The following TUSC3 variants were observed in gnomAD, a reference collection of about 807,000 sequenced individuals.
The protein encoded by TUSC3 is tumor suppressor candidate 3, also known as dolichyl-diphosphooligosaccharide--protein glycosyltransferase subunit TUSC3.
Under a neutral mutation model 44.8 loss-of-function variants are expected in TUSC3, and 45 were observed. That is an observed-to-expected ratio of 1.00 (90% CI 0.79 to 1.29). The LOEUF is 1.29. TUSC3 is among the 50% of genes most tolerant of loss of function. The pLI, the probability that TUSC3 is intolerant of heterozygous loss-of-function variation, is 0.00. For synonymous variants in TUSC3, 212 were observed against 152.9 expected (o/e 1.39, Z -2.85); for missense variants, 519 against 437.9 (o/e 1.19, Z -1.65).
intron 2 of TUSC3, among the ~76,000 whole-genome samples, chr8:15,484,718 AAACTGAAT>A (rs1800712952): frequency 6.6e-6 from 1 of 152,222 alleles, no homozygotes; most frequent in Non-Finnish European, 1.5e-5. Context: ...CAGAGTCAGA[AAACTGAAT>A]TTAAGCTGAA....
chr8:15,843,353 G>C, the TUSC3 span, among the ~76,000 whole-genome samples: 1 of 152,052 alleles, frequency 6.6e-6, no homozygotes, highest in Non-Finnish European at 1.5e-5. Context: ...CTTGGATATT[G>C]TGTCACAAGA....
chr8:15,539,893 C>T (rs1801614479), upstream of TUSC3, among the ~76,000 whole-genome samples: 1 of 152,000 alleles, frequency 6.6e-6, no homozygotes, highest in South Asian at 2.1e-4. Context: ...TTTCCCAGGG[C>T]TCTGAAGGAG....
At chr8:15,435,039 G>C (rs1799927947) in intron 1 of TUSC3, among the ~76,000 whole-genome samples, 1 of 147,770 alleles carries the variant, frequency 6.8e-6, no homozygotes, top group African/African-American at 2.6e-5. Flanking sequence ...ATAATCCTTT[G>C]GGTATATACC....
At chr8:15,418,622 A>G (rs1402007524) in intron 1 of TUSC3, among the ~76,000 whole-genome samples, 1 of 152,210 alleles carries the variant, frequency 6.6e-6, no homozygotes, top group Non-Finnish European at 1.5e-5. Flanking sequence ...AAATAGGAGG[A>G]GAGTAATCGG....
rs138460152 is a variant in TUSC3 at position 15,432,452 on chromosome 8, A to G, written n.91+15147A>G. ...ATCCATTAGAGCACTTATATTATTC[A>G]TAGTTGTCTTAATTTTAAGTGTCAT... On this transcript the variant is annotated intron_variant and non_coding_transcript_variant, in intron 1 of 5. Transcript: ENST00000503191. Among the ~76,000 whole-genome samples, 413 of 152,142 alleles carry G rather than the reference A, an allele frequency of 2.7e-3. 2 individuals are homozygous for G. In the East Asian group the frequency reaches 0.046, roughly 17 times the overall value.
intron 1 of TUSC3, among the ~76,000 whole-genome samples, chr8:15,465,526 A>G (rs541017396): frequency 1.3e-5 from 2 of 152,330 alleles, no homozygotes; most frequent in Admixed American, 1.3e-4. Flanking sequence ...TTGATTTGAG[A>G]TGTTAAAATG....
At chr8:15,763,791 C>T (rs1436395617) in intron 10 of TUSC3, among the ~76,000 whole-genome samples, 2 of 152,046 alleles carry the variant, frequency 1.3e-5, no homozygotes, top group African/African-American at 4.8e-5. Context: ...TAACAAAAGA[C>T]CAAGTGATTA....
intron 1 of TUSC3, among the ~76,000 whole-genome samples, chr8:15,479,605 C>G (rs10100161): frequency 6.6e-6 from 1 of 151,924 alleles, no homozygotes; most frequent in Non-Finnish European, 1.5e-5. Context: ...GATATGTGTT[C>G]TTATTTCTCA....
chr8:15,459,786 C>T (rs187127906), intron 1 of TUSC3, among the ~76,000 whole-genome samples: 41 of 151,884 alleles, frequency 2.7e-4, no homozygotes, highest in Admixed American at 1.3e-4. Context: ...CCGGTCAATG[C>T]GAGTGCCATT....
intron 3 of TUSC3, among the ~76,000 whole-genome samples, chr8:15,657,174 T>G (rs1369886549): frequency 6.6e-6 from 1 of 152,210 alleles, no homozygotes; most frequent in Non-Finnish European, 1.5e-5. Flanking sequence ...TTAGGCCACA[T>G]TCTTCATATT....
the TUSC3 span, among the ~76,000 whole-genome samples, chr8:15,775,653 CACACAT>C: frequency 7.5e-5 from 7 of 93,118 alleles, no homozygotes; most frequent in African/African-American, 2.9e-4. Context: ...TATATATACA[CACACAT>C]ATACATATAT....
intron 1 of TUSC3, among the ~76,000 whole-genome samples, chr8:15,421,229 C>T (rs991357217): frequency 2.6e-5 from 4 of 152,148 alleles, no homozygotes; most frequent in African/African-American, 7.2e-5. Flanking sequence ...CCTGCAACAT[C>T]CCCCTCATCT....
chr8:15,587,958 T>G (rs1350972134), intron 1 of TUSC3, among the ~76,000 whole-genome samples: 1 of 152,174 alleles, frequency 6.6e-6, no homozygotes, highest in African/African-American at 2.4e-5. Context: ...CTTTATCCGT[T>G]TATCTGTTGG....
At chr8:15,789,058 C>G in the TUSC3 span, among the ~76,000 whole-genome samples, 1 of 152,168 alleles carries the variant, frequency 6.6e-6, no homozygotes, top group Non-Finnish European at 1.5e-5. Flanking sequence ...CTTGCCATTT[C>G]AAGGAAACAG....
intron 1 of TUSC3, among the ~76,000 whole-genome samples, chr8:15,543,445 G>A (rs1448655581): frequency 6.6e-6 from 1 of 152,076 alleles, no homozygotes; most frequent in Non-Finnish European, 1.5e-5. Flanking sequence ...AGATGGTCAA[G>A]TTACAATTCA....
At chr8:15,552,576 G>A (rs1359503613) in intron 1 of TUSC3, among the ~76,000 whole-genome samples, 3 of 151,632 alleles carry the variant, frequency 2.0e-5, no homozygotes, top group Non-Finnish European at 2.9e-5. Context: ...ACTGGTAAAG[G>A]TCCAGCATAT....
chr8:15,600,038 G>T (rs971441183), intron 1 of TUSC3, among the ~76,000 whole-genome samples: 1 of 151,664 alleles, frequency 6.6e-6, no homozygotes, highest in Non-Finnish European at 1.5e-5. Flanking sequence ...AGTAATCTGT[G>T]TACCTTTTAT....
intron 6 of TUSC3, among the ~76,000 whole-genome samples, chr8:15,691,348 G>C (rs1376220346): frequency 6.6e-6 from 1 of 152,066 alleles, no homozygotes; most frequent in African/African-American, 2.4e-5. Context: ...TGATTTTTCT[G>C]CATTGATTTA....
intron 6 of TUSC3, among the ~76,000 whole-genome samples, chr8:15,704,222 T>C (rs1483682084): frequency 6.7e-6 from 1 of 149,500 alleles, no homozygotes; most frequent in Non-Finnish European, 1.5e-5. Context: ...GAACAGCAAG[T>C]GCAAAGGCCC....
Sources: gnomAD v4.1 joint callset for allele counts (sites outside exome capture counted in the v4.1 genomes callset) on GRCh38, gnomAD v4.1.1 for gene constraint, MANE v1.5 for transcripts, NCBI Gene and HGNC (gene_info 2026-07-23, HGNC 2026-07-21) for gene names.